Variants in PCDH20 observed in about 807,000 individuals in gnomAD.
The protein encoded by PCDH20 is protocadherin-20.
In PCDH20, 18 loss-of-function variants were observed where a neutral mutation model predicts 39.7. That is an observed-to-expected ratio of 0.45 (90% CI 0.31 to 0.67). The LOEUF (loss-of-function observed/expected upper bound fraction) is 0.67, where lower values mean the gene tolerates loss of function less well. Among genes scored for constraint, PCDH20 ranks in the 30% least tolerant of loss-of-function variants. The pLI, the probability that PCDH20 is intolerant of heterozygous loss-of-function variation, is 0.05. For missense variants in PCDH20, 1,161 were observed against 1,167.4 expected, an observed-to-expected ratio of 0.99 and a Z score of 0.08; for synonymous variants, 495 against 455.4, an observed-to-expected ratio of 1.09 and a Z score of -1.11.
exon 1 of PCDH20, chr13:61,415,294 T>C: frequency 9.0e-7 from 1 of 1,117,016 alleles, no homozygotes; most frequent in Non-Finnish European, 1.2e-6. Flanking sequence ...ACTCAAAGAG[T>C]GGCAGAAAGG....
chr13:61,415,253 A>G (rs1423790981), exon 1 of PCDH20: 4 of 1,253,278 alleles, frequency 3.2e-6, no homozygotes, highest in Non-Finnish European at 4.1e-6. Context: ...ACTTCAGCCA[A>G]TAGTCACTGG....
rs1016790158 is a variant in PCDH20 at position 61,412,724 on chromosome 13, G to T, written c.1375C>A (p.Pro459Thr). ...CAGTTAACCTTGTATTTACCTTCTG[G>T]ATCTCTTATGGTGAAAAACGCAATG... Residue 459 changes from proline (P) to threonine (T), a missense_variant, in exon 2 of 2, where the codon CCA (proline) becomes ACA (threonine). Around this residue, in one of 3 missense-constraint regions of PCDH20, gnomAD observed 754 missense variants for 777.5 expected, o/e 0.97. Coordinates refer to ENST00000409204, the Ensembl canonical transcript of PCDH20. 3 of 1,614,080 alleles carry T rather than the reference G, an allele frequency of 1.9e-6. No homozygotes were observed. In the Admixed American group the frequency reaches 5.0e-5, roughly 27 times the overall value.
rs1878269741 is a variant in PCDH20, at chr13:61,412,582, GC to G, written c.1516del (p.Ala506LeufsTer21). 2 of 1,613,972 alleles carry G rather than the reference GC, an allele frequency of 1.2e-6. No individual in the cohort carries two copies. The highest frequency in any genetic ancestry group is 2.7e-5 in the African/African-American group (2 of 74,910). On this transcript the variant is annotated frameshift_variant, in exon 2 of 2. Coordinates refer to ENST00000409204, the Ensembl canonical transcript of PCDH20. LOFTEE classifies it high-confidence loss of function. ...TCCCTCAGAGTTCCAAGCCACCACA[GC>G]TACTTCATAGAACTGCTGTAGCTCA...
exon 2 of PCDH20, chr13:61,413,729 G>T (rs1407504882): frequency 6.2e-7 from 1 of 1,613,866 alleles, no homozygotes; most frequent in East Asian, 2.2e-5. Context: ...CTCAGTCCCC[G>T]GGAGGCCAGG....
chr13:61,413,830 C>T (rs996027549), exon 2 of PCDH20: 7 of 1,612,658 alleles, frequency 4.3e-6, no homozygotes, highest in African/African-American at 1.3e-5. Flanking sequence ...GGGCAGCAGC[C>T]GCAGGTCCTC....
rs774885318 is a variant in PCDH20, at chr13:61,415,183, G to T, written c.-25C>A. 27 of 1,383,026 alleles carry T rather than the reference G, an allele frequency of 2.0e-5. No homozygotes were observed. The African/African-American group carries it at 3.9e-4, about 20-fold the overall frequency. 85.7% of individuals were successfully genotyped at this position (1,383,026 alleles called of 1,614,324 possible). On this transcript the variant is annotated 5_prime_UTR_variant, in exon 1 of 2. Coordinates refer to ENST00000409204, the Ensembl canonical transcript of PCDH20. ...TTCCCTGGGAGGCTGCAGTCAGAGC[G>T]CTCTTGAAGGGAGGGCGGCAGAAGA... is the stretch of plus-strand genomic sequence containing the variant.
chr13:61,412,799 C>T (rs866867581), exon 2 of PCDH20: 1 of 1,614,036 alleles, frequency 6.2e-7, no homozygotes, highest in Non-Finnish European at 8.5e-7. Flanking sequence ...CCATCTATCT[C>T]GTTTGCTATG....
chr13:61,412,938 T>A (rs1209023588), exon 2 of PCDH20: 1 of 1,614,180 alleles, frequency 6.2e-7, no homozygotes. Flanking sequence ...GAACACTTCC[T>A]CCAATCTTAC....
chr13:61,415,152 C>G lies in PCDH20; in HGVS notation c.7G>C (p.Gly3Arg), dbSNP rs916155435. 3.5e-6 allele frequency: 5 copies of G among 1,446,952 alleles called. No individual in the cohort carries two copies. In the African/African-American group the frequency reaches 4.4e-5, roughly 13 times the overall value. The allele number at this position is 1,446,952 out of a possible 1,614,324, so 89.6% of individuals were successfully genotyped here. A position where few individuals can be genotyped will look rare whatever the true frequency, so the allele number is the denominator to read the frequency against. The change falls in exon 1 of 2, where the codon GGC becomes CGC. Residue 3 changes from glycine (G) to arginine (R), a missense_variant. By Grantham distance (125) the Gly-to-Arg change is moderately radical. This residue lies in a region of PCDH20 where 401 missense variants were observed against 368.7 expected (regional missense o/e 1.09). Transcript: ENST00000409204. Reference sequence around the variant, plus strand: ...TGTGAGCTGCGCGCATTCCCTCGGCCGCGCATTCCCTGGGAGGCTGCAGTC... The same window carrying G: ...TGTGAGCTGCGCGCATTCCCTCGGCGGCGCATTCCCTGGGAGGCTGCAGTC...
At position 61,414,885 on chromosome 13, in the gene PCDH20, C is replaced by T. The variant is rs1004497085; in HGVS notation, c.132+142G>A. On this transcript the variant is annotated intron_variant, in intron 1 of 1. Transcript: ENST00000409204. Reference sequence around the variant, plus strand: ...CTTGTTAAAAGGAAGACACATTATCCCAAACTCCCTTTCCCTCCCGGCGCC... The same window carrying T: ...CTTGTTAAAAGGAAGACACATTATCTCAAACTCCCTTTCCCTCCCGGCGCC... 3.8e-6 allele frequency: 4 copies of T among 1,056,762 alleles called. No individual in the cohort carries two copies. In the African/African-American group the frequency reaches 6.6e-5, roughly 18 times the overall value. The allele number at this position is 1,056,762 out of a possible 1,614,324, so 65.5% of individuals were successfully genotyped here.
exon 2 of PCDH20, chr13:61,413,005 T>C (rs372989982): frequency 5.6e-6 from 9 of 1,614,192 alleles, no homozygotes; most frequent in South Asian, 1.1e-5. Flanking sequence ...CTTAGATGCT[T>C]GTGGAACTTT....
At chr13:61,414,027 G>C in intron 1 of PCDH20, 61 bp from the exon 2 acceptor site, 6 of 1,400,960 alleles carry the variant, frequency 4.3e-6, no homozygotes, top group Non-Finnish European at 5.8e-6. Flanking sequence ...GTCCGAGAGA[G>C]AAACTAGCGC....
At chr13:61,414,114 T>G (rs4471571) in intron 1 of PCDH20, 148 bp from the exon 2 acceptor site, 2 of 729,074 alleles carry the variant, frequency 2.7e-6, no homozygotes, top group Admixed American at 2.9e-5. Flanking sequence ...AGAAGAACCC[T>G]GCTGCGAAGG....
At position 61,412,186 on chromosome 13, in the gene PCDH20, C is replaced by A. The variant is rs781466949; in HGVS notation, c.1913G>T (p.Arg638Leu). Residue 638 changes from arginine to leucine, a missense_variant, in exon 2 of 2, where the codon CGG becomes CTG. By Grantham distance (102) the Arg-to-Leu change is moderately radical. Around this residue, in one of 3 missense-constraint regions of PCDH20, gnomAD observed 754 missense variants for 777.5 expected, o/e 0.97. Coordinates refer to ENST00000409204, the Ensembl canonical transcript of PCDH20. ...AAAGCTGAAGTCCTTGTTGATAAACCGAGGACTGTTGTCATTTTTATCCAA... is the reference window on the plus strand; with the variant it reads ...AAAGCTGAAGTCCTTGTTGATAAACAGAGGACTGTTGTCATTTTTATCCAA... 3.8e-5 allele frequency: 62 copies of A among 1,613,982 alleles called. No individual in the cohort carries two copies. Among genetic ancestry groups the A allele is most frequent in the Non-Finnish European group, 4.2e-5 (49 of 1,180,016 alleles).
chr13:61,415,093 C>G, exon 1 of PCDH20: 2 of 1,567,660 alleles, frequency 1.3e-6, no homozygotes, highest in East Asian at 2.4e-5. Context: ...GGCGCGGGTG[C>G]CAGGTCGCCG....
In PCDH20 at chr13:61,411,869, AC is replaced by A. The variant is rs1387221179; in HGVS notation, c.2229del (p.Leu743PhefsTer11). 1.2e-6 allele frequency: 2 copies of A among 1,614,182 alleles called. No homozygotes were observed. The highest frequency in any genetic ancestry group is 8.5e-7 in the Non-Finnish European group (1 of 1,180,038). On this transcript the variant is annotated frameshift_variant, in exon 2 of 2. Coordinates refer to ENST00000409204, the Ensembl canonical transcript of PCDH20. LOFTEE classifies it low-confidence loss of function (END_TRUNC). ...AGATAAGACATATTAGACTGAGGAA[AC>A]AAAACAAGAGGAGGGTTGTCATTGA...
rs1293518933 is a variant in PCDH20 at position 61,414,882 on chromosome 13, A to G, written c.132+145T>C. 3 of 1,006,752 alleles carry G rather than the reference A, an allele frequency of 3.0e-6. No individual in the cohort carries two copies. The African/African-American group carries it at 5.0e-5, about 17-fold the overall frequency. 62.4% of individuals were successfully genotyped at this position (1,006,752 alleles called of 1,614,324 possible). The stretch of plus-strand genomic sequence containing the variant: ...TTCCTTGTTAAAAGGAAGACACATT[A>G]TCCCAAACTCCCTTTCCCTCCCGGC... On this transcript the variant is annotated intron_variant, in intron 1 of 1. Transcript: ENST00000409204.
At chr13:61,411,400 G>A in exon 2 of PCDH20, 1 of 1,613,940 alleles carries the variant, frequency 6.2e-7, no homozygotes, top group Non-Finnish European at 8.5e-7. Flanking sequence ...CAGTGTGATG[G>A]AACCCAAGCT....
chr13:61,415,269 C>G lies in PCDH20; in HGVS notation c.-111G>C, dbSNP rs953458241. On this transcript the variant is annotated 5_prime_UTR_variant, in exon 1 of 2. Transcript: ENST00000409204. ...CTTCAGCCAATAGTCACTGGCTCTT[C>G]AATTAAGGACGGGAACTCAAAGAGT... 4 of 1,206,154 alleles carry G rather than the reference C, an allele frequency of 3.3e-6. No homozygotes were observed. In the African/African-American group the frequency reaches 4.7e-5, roughly 14 times the overall value. The allele number at this position is 1,206,154 out of a possible 1,614,324, so 74.7% of individuals were successfully genotyped here.
Sources: allele counts gnomAD v4.1 joint callset, GRCh38; gene constraint gnomAD v4.1.1; regional missense constraint gnomAD v4.1.1; transcripts MANE v1.5; gene names NCBI Gene and HGNC (gene_info 2026-07-23, HGNC 2026-07-21).